SEMA3C: variants seen among roughly 807,000 people sequenced by gnomAD.
The protein encoded by SEMA3C is semaphorin-3C.
In SEMA3C, 47 loss-of-function variants were observed where a neutral mutation model predicts 89.4. The ratio of observed to expected loss-of-function variants is 0.53; its 90% CI spans 0.42 to 0.67. SEMA3C has a LOEUF of 0.67. Among genes scored for constraint, SEMA3C ranks in the 30% least tolerant of loss-of-function variants. The pLI is 0.00. For synonymous variants in SEMA3C, 310 were observed against 320.2 expected, an observed-to-expected ratio of 0.97 and a Z score of 0.34; for missense variants, 839 against 929.1, an observed-to-expected ratio of 0.90 and a Z score of 1.26.
Position 80,841,965 on chromosome 7 carries a change from T to C in SEMA3C, c.104-13220A>G, listed in dbSNP as rs535831803. ...AACTGCAGAGGACAGTGAAGACATG[T>C]TCATTTAACTTTAAACACATTTGTC... On this transcript the variant is annotated intron_variant, in intron 2 of 17. Transcript: ENST00000265361. 2.0e-5 allele frequency among the ~76,000 whole-genome samples: 3 copies of C among 152,262 alleles called. No individual in the cohort carries two copies. In the East Asian group the frequency reaches 5.8e-4, roughly 29 times the overall value.
chr7:80,921,680 C>G (rs1370732902), upstream of SEMA3C, among the ~76,000 whole-genome samples: 1 of 152,070 alleles, frequency 6.6e-6, no homozygotes, highest in African/African-American at 2.4e-5. Context: ...ATGTTTGCAC[C>G]CAGCAAAACG....
intron 5 of SEMA3C, among the ~76,000 whole-genome samples, chr7:80,813,663 T>G (rs1018379769): frequency 2.0e-5 from 3 of 152,208 alleles, no homozygotes; most frequent in African/African-American, 7.2e-5. Context: ...TTTAGGCACC[T>G]TAGATTTCCA....
rs188829953 is a variant in SEMA3C, at chr7:80,784,039, T to C, written c.1354+5267A>G. Among the ~76,000 whole-genome samples the C allele has an allele frequency of 3.3e-3, 497 of 152,270 alleles. 13 individuals carry two copies. The South Asian group carries it at 0.037, about 11-fold the overall frequency. On this transcript the variant is annotated intron_variant, in intron 12 of 17. Coordinates refer to ENST00000265361, the MANE Select transcript of SEMA3C (RefSeq NM_006379.5). Reference sequence around the variant, plus strand: ...TCAAAAACCACGTCATTCTGATTCATGTATAATGCTAAAAATATAAATTTT... The same window carrying C: ...TCAAAAACCACGTCATTCTGATTCACGTATAATGCTAAAAATATAAATTTT...
chr7:80,878,640 G>A (rs1471711089), intron 2 of SEMA3C, among the ~76,000 whole-genome samples: 2 of 152,002 alleles, frequency 1.3e-5, no homozygotes, highest in Non-Finnish European at 2.9e-5. Context: ...AAGTCTGAGG[G>A]TGCCTATGGC....
chr7:80,767,752 C>T (rs1322077458), intron 12 of SEMA3C, among the ~76,000 whole-genome samples: 1 of 151,924 alleles, frequency 6.6e-6, no homozygotes, highest in Non-Finnish European at 1.5e-5. Flanking sequence ...CTGAATTGTA[C>T]AGGACTTTAC....
At chr7:80,891,620 T>C (rs1301624170) in intron 2 of SEMA3C, among the ~76,000 whole-genome samples, 1 of 152,066 alleles carries the variant, frequency 6.6e-6, no homozygotes, top group Admixed American at 6.6e-5. Flanking sequence ...GAAATATCAA[T>C]TAATTAAAAA....
chr7:80,824,618 T>C (rs1169215019), intron 4 of SEMA3C, among the ~76,000 whole-genome samples: 1 of 152,196 alleles, frequency 6.6e-6, no homozygotes, highest in Non-Finnish European at 1.5e-5. Context: ...ATAACCCAGC[T>C]GTGCTTTGTG....
chr7:80,805,402 A>G (rs1441940981), intron 7 of SEMA3C, among the ~76,000 whole-genome samples: 1 of 152,158 alleles, frequency 6.6e-6, no homozygotes, highest in Non-Finnish European at 1.5e-5. Flanking sequence ...TTATTTATTC[A>G]TATTCATATG....
intron 12 of SEMA3C, among the ~76,000 whole-genome samples, chr7:80,787,573 G>A (rs1290407518): frequency 6.6e-6 from 1 of 151,990 alleles, no homozygotes; most frequent in East Asian, 1.9e-4. Flanking sequence ...ATGCAAATAG[G>A]AGAGAGAGGT....
upstream of SEMA3C, chr7:80,922,190 G>T: frequency 1.7e-6 from 2 of 1,197,002 alleles, no homozygotes; most frequent in Non-Finnish European, 2.2e-6. Context: ...GTAAATATCA[G>T]AATAGGAAGA....
At chr7:80,857,994 T>C (rs376672161) in intron 2 of SEMA3C, among the ~76,000 whole-genome samples, 4 of 152,202 alleles carry the variant, frequency 2.6e-5, no homozygotes, top group African/African-American at 2.4e-5. Context: ...CCAAAACTTC[T>C]ATAATATTCA....
rs565821916 is a variant in SEMA3C, at chr7:80,858,089, T to C, written c.104-29344A>G. 4.6e-5 allele frequency among the ~76,000 whole-genome samples: 7 copies of C among 152,268 alleles called. No individual in the cohort carries two copies. The South Asian group carries it at 1.4e-3, about 32-fold the overall frequency. On this transcript the variant is annotated intron_variant, in intron 2 of 17. Coordinates refer to ENST00000265361, the MANE Select transcript of SEMA3C (RefSeq NM_006379.5). ...TAATATTTTTATGTGTCTAAAAGAC[T>C]CAATCACACTTCTAGCATTGACATA...
At chr7:80,794,009 T>A (rs1789004296) in intron 11 of SEMA3C, among the ~76,000 whole-genome samples, 1 of 152,044 alleles carries the variant, frequency 6.6e-6, no homozygotes, top group African/African-American at 2.4e-5. Context: ...ATCCAAGCCC[T>A]TTGTCTGAAG....
chr7:80,789,345 C>G lies in SEMA3C; in HGVS notation c.1315G>C (p.Ala439Pro). The change falls in exon 12 of 18, where the codon GCT becomes CCT. Residue 439 changes from alanine to proline, a missense_variant. Physicochemically the swap from Ala to Pro is conservative, Grantham distance 27 (BLOSUM62 -1). Transcript: ENST00000265361. ...YTKIAVDRVN[A>P]ADGRYHVLFL... ...AGGACATGGTATCTCCCATCAGCAG[C>G]GTTCACTCGATCCACAGCTATCTTT... 3.7e-6 allele frequency: 6 copies of G among 1,613,962 alleles called. No individual in the cohort carries two copies. Among genetic ancestry groups the G allele is most frequent in the Non-Finnish European group, 5.1e-6 (6 of 1,179,942 alleles).
At chr7:80,846,333 T>A (rs1194556181) in intron 2 of SEMA3C, among the ~76,000 whole-genome samples, 1 of 152,176 alleles carries the variant, frequency 6.6e-6, no homozygotes, top group Non-Finnish European at 1.5e-5. Context: ...GTGCCTTTTT[T>A]GCTTTGCTAA....
intron 11 of SEMA3C, among the ~76,000 whole-genome samples, chr7:80,792,256 A>C (rs1337456386): frequency 6.6e-6 from 1 of 152,226 alleles, no homozygotes; most frequent in East Asian, 1.9e-4. Flanking sequence ...AAAATATAGA[A>C]TTATGGGTGT....
intron 2 of SEMA3C, among the ~76,000 whole-genome samples, chr7:80,911,115 T>C (rs1403008845): frequency 2.0e-5 from 3 of 152,218 alleles, no homozygotes; most frequent in East Asian, 3.8e-4. Context: ...ATATAGGGAA[T>C]GAATTTTATT....
intron 15 of SEMA3C, among the ~76,000 whole-genome samples, chr7:80,755,104 TAA>T (rs1788036193): frequency 6.6e-6 from 1 of 151,826 alleles, no homozygotes; most frequent in South Asian, 2.1e-4. Flanking sequence ...CTAGCCAAGA[TAA>T]CTCTTTAAAT....
intron 12 of SEMA3C, among the ~76,000 whole-genome samples, chr7:80,773,551 G>A (rs1788481059): frequency 6.6e-6 from 1 of 152,182 alleles, no homozygotes; most frequent in Admixed American, 6.5e-5. Context: ...ATAACAGGCA[G>A]TGCAAGACTA....
Sources: gnomAD v4.1 joint callset for allele counts (sites outside exome capture counted in the v4.1 genomes callset) on GRCh38, gnomAD v4.1.1 for gene constraint, MANE v1.5 for transcripts, NCBI Gene and HGNC (gene_info 2026-07-23, HGNC 2026-07-21) for gene names.